The following SCAP variants were observed in gnomAD, a reference collection of about 807,000 sequenced individuals.
SCAP encodes sterol regulatory element-binding protein cleavage-activating protein.
A neutral mutation model predicts 123.6 loss-of-function variants in SCAP; 65 were observed. That is an observed-to-expected ratio of 0.53 (90% CI 0.43 to 0.65). The LOEUF is 0.65. Ranked by LOEUF, SCAP falls within the 30% of genes least tolerant of loss-of-function variation. The pLI, the probability that SCAP is intolerant of heterozygous loss-of-function variation, is 0.00. For synonymous variants in SCAP, 740 were observed against 726.3 expected (o/e 1.02, Z -0.30); for missense variants, 1,398 against 1,712.5 (o/e 0.82, Z 3.24).
chr3:47,421,503 C>A (rs1705899329), intron 10 of SCAP: 1 of 169,028 alleles, frequency 5.9e-6, no homozygotes, highest in African/African-American at 2.4e-5. Flanking sequence ...GGGATTAATT[C>A]TCTAAAACTG....
At position 47,427,656 on chromosome 3, in the gene SCAP, C is replaced by G; in HGVS notation, c.422G>C (p.Arg141Thr). 6.2e-7 allele frequency: 1 copy of G among 1,614,010 alleles called. No homozygotes were observed. Among genetic ancestry groups the G allele is most frequent in the South Asian group, 1.1e-5 (1 of 91,078 alleles). The change falls in exon 5 of 23, where the codon AGG (arginine) becomes ACG (threonine). Residue 141 changes from arginine (R) to threonine (T), a missense_variant. By Grantham distance (71) the Arg-to-Thr change is moderately conservative (BLOSUM62 -1). Transcript: ENST00000265565. The part of the protein sequence containing the change: ...NHVLRDSSGI[R>T]SLEELCLQVT... ...TTGCAGACACAACTCCTCCAAGCTC[C>G]TGATCCCAGAGCTGCACAGGAGACA... is the stretch of plus-strand genomic sequence containing the variant.
At chr3:47,414,469 G>A (rs1705469976) in intron 21 of SCAP, 83 bp from the exon 22 acceptor site, 1 of 1,598,048 alleles carries the variant, frequency 6.3e-7, no homozygotes, top group Non-Finnish European at 8.6e-7. Flanking sequence ...CAGTGGGTGG[G>A]GCCCTGACTG....
chr3:47,472,159 C>T (rs1456528948), intron 1 of SCAP, among the ~76,000 whole-genome samples: 2 of 149,524 alleles, frequency 1.3e-5, no homozygotes. Context: ...TGGGGCCGGG[C>T]GCGGTGGCTC....
Position 47,414,351 on chromosome 3 carries a change from G to A in SCAP, c.3423C>T (p.Ala1141=), listed in dbSNP as rs766784193. ...CAGTCAGTACATCCCACAGGCAGAT[G>A]GCCCCATCTTGTCCTCCACTGGCCA... The part of the protein sequence containing the change: ...MVLASGGQDG[A]ICLWDVLTGS... The change falls in exon 22 of 23, where the codon GCC becomes GCT. Residue 1141 remains alanine, a synonymous_variant. Coordinates refer to ENST00000265565, the MANE Select transcript of SCAP (RefSeq NM_012235.4). 6.2e-7 allele frequency: 1 copy of A among 1,612,876 alleles called. No homozygotes were observed. Among genetic ancestry groups the A allele is most frequent in the East Asian group, 2.2e-5 (1 of 44,894 alleles).
chr3:47,464,374 G>A (rs1559569730), intron 1 of SCAP, among the ~76,000 whole-genome samples: 1 of 151,298 alleles, frequency 6.6e-6, no homozygotes, highest in Non-Finnish European at 1.5e-5. Context: ...GGACTGATTT[G>A]TGTTTTTTTT....
At chr3:47,446,496 T>G (rs867516773) in intron 1 of SCAP, among the ~76,000 whole-genome samples, 4 of 152,128 alleles carry the variant, frequency 2.6e-5, no homozygotes, top group East Asian at 1.9e-4. Context: ...GTTTACTTTT[T>G]TTGTTGTTGT....
intron 1 of SCAP, among the ~76,000 whole-genome samples, chr3:47,456,659 G>A (rs1410665665): frequency 1.3e-5 from 2 of 151,726 alleles, no homozygotes; most frequent in Non-Finnish European, 2.9e-5. Flanking sequence ...CAGCTACTCA[G>A]GAGGCTGAGA....
At position 47,426,028 on chromosome 3, in the gene SCAP, G is replaced by A; in HGVS notation, c.879C>T (p.Ile293=). 5 of 1,614,188 alleles carry A rather than the reference G, an allele frequency of 3.1e-6. No homozygotes were observed. Among genetic ancestry groups the A allele is most frequent in the Non-Finnish European group, 4.2e-6 (5 of 1,180,034 alleles). The change falls in exon 7 of 23, where the codon ATC becomes ATT. Residue 293 remains isoleucine, a synonymous_variant. Transcript: ENST00000265565. ...AGAAGTAGATGTAGGCAAACAAGAT[G>A]ATGTAGGTGGTCACAAGGGGGATGA... The part of the protein sequence containing the change: ...AELIPLVTTY[I]ILFAYIYFST...
At chr3:47,445,070 C>G (rs989214181) in intron 1 of SCAP, among the ~76,000 whole-genome samples, 2 of 152,080 alleles carry the variant, frequency 1.3e-5, no homozygotes, top group Non-Finnish European at 2.9e-5. Context: ...CCGAGCCCAG[C>G]CACTTCATTA....
At position 47,418,504 on chromosome 3, in the gene SCAP, C is replaced by T. The variant is rs570896201; in HGVS notation, c.2148G>A (p.Leu716=). ...VTLYKVAALG[L]ATGIVLVLLL... Reference sequence around the variant, plus strand: ...GCAGCACCAAGACGATGCCGGTGGCCAGGCCCAGCGCCGCCACCCTGCACG... The same window carrying T: ...GCAGCACCAAGACGATGCCGGTGGCTAGGCCCAGCGCCGCCACCCTGCACG... The change falls in exon 15 of 23, where the codon CTG becomes CTA. Residue 716 remains leucine (L), a synonymous_variant. Coordinates refer to ENST00000265565, the MANE Select transcript of SCAP (RefSeq NM_012235.4). 7 of 1,596,644 alleles carry T rather than the reference C, an allele frequency of 4.4e-6. No homozygotes were observed. The South Asian group carries it at 7.9e-5, about 18-fold the overall frequency.
At chr3:47,435,457 A>G (rs1352137674) in intron 2 of SCAP, among the ~76,000 whole-genome samples, 1 of 139,838 alleles carries the variant, frequency 7.2e-6, no homozygotes, top group Non-Finnish European at 1.5e-5. Context: ...ATTAACATAT[A>G]TAATATAAAC....
At position 47,427,148 on chromosome 3, in the gene SCAP, C is replaced by G. The variant is rs750110358; in HGVS notation, c.737+9G>C. 1.9e-6 allele frequency: 3 copies of G among 1,601,596 alleles called. No individual in the cohort carries two copies. The South Asian group carries it at 3.3e-5, about 18-fold the overall frequency. ...ACCAGTCAAGAGCCCAGGGTACTGT[C>G]AATCTTACTTGGCATGGTAGTGCTG... On this transcript the variant is annotated intron_variant, in intron 6 of 22. Coordinates refer to ENST00000265565, the MANE Select transcript of SCAP (RefSeq NM_012235.4).
intron 1 of SCAP, among the ~76,000 whole-genome samples, chr3:47,467,715 T>C (rs879045278): frequency 4.6e-5 from 7 of 151,988 alleles, no homozygotes; most frequent in African/African-American, 1.7e-4. Flanking sequence ...AAAATACAAA[T>C]TGAAATCACA....
chr3:47,433,387 G>A (rs1706444753), intron 3 of SCAP, among the ~76,000 whole-genome samples: 1 of 152,134 alleles, frequency 6.6e-6, no homozygotes, highest in South Asian at 2.1e-4. Context: ...CAATGCTCCT[G>A]ATTCCCGAGC....
chr3:47,464,160 C>G (rs1028822563), intron 1 of SCAP, among the ~76,000 whole-genome samples: 2 of 152,068 alleles, frequency 1.3e-5, no homozygotes, highest in African/African-American at 4.8e-5. Context: ...GGATTACAGG[C>G]GCTTCCCACT....
At chr3:47,464,607 C>T (rs981716619) in intron 1 of SCAP, among the ~76,000 whole-genome samples, 3 of 152,104 alleles carry the variant, frequency 2.0e-5, no homozygotes, top group Non-Finnish European at 2.9e-5. Context: ...AGGCAATATC[C>T]TCAACATAAT....
rs1172679309 is a variant in SCAP at position 47,418,201 on chromosome 3, G to T, written c.2380C>A (p.Leu794Met). The T allele has an allele frequency of 1.3e-6, 2 of 1,575,358 alleles. No homozygotes were observed. The highest frequency in any genetic ancestry group is 1.7e-6 in the Non-Finnish European group (2 of 1,161,232). Residue 794 changes from leucine (L) to methionine (M), a missense_variant, in exon 16 of 23, where the codon CTG becomes ATG. Around this residue, in one of 7 missense-constraint regions of SCAP, gnomAD observed 828 missense variants for 882.5 expected, o/e 0.94. Coordinates refer to ENST00000265565, the MANE Select transcript of SCAP (RefSeq NM_012235.4). ...SDGMLLVSCCLAGHVCVWDAQ... is the reference protein window; with the variant it reads ...SDGMLLVSCCMAGHVCVWDAQ... ...TCCCACACGCAGACGTGGCCTGCCA[G>T]GCAGCAGCTCACCAGCAGCATGCCG...
At chr3:47,440,720 A>G (rs1706762702) in intron 2 of SCAP, among the ~76,000 whole-genome samples, 1 of 152,098 alleles carries the variant, frequency 6.6e-6, no homozygotes, top group Non-Finnish European at 1.5e-5. Flanking sequence ...AATACAAAAA[A>G]TTAGTGGTGC....
rs1279809762 is a variant in SCAP at position 47,439,388 on chromosome 3, G to A, written c.122+3484C>T. ...TGTGCCATTGCACTCCAGCCTGGGC[G>A]ACAGAGTGAGACCCCGTCTCAAAAT... On this transcript the variant is annotated intron_variant, in intron 2 of 22. Transcript: ENST00000265565. This position sits in a 1 kb window ranked among gnomAD's most constrained non-coding sequence, Gnocchi z 4.0. Among the ~76,000 whole-genome samples the A allele has an allele frequency of 3.3e-5, 5 of 152,072 alleles. No homozygotes were observed. Among genetic ancestry groups the A allele is most frequent in the Non-Finnish European group, 7.4e-5 (5 of 68,016 alleles).
Sources: allele counts gnomAD v4.1 joint callset (sites outside exome capture counted in the v4.1 genomes callset), GRCh38; gene constraint gnomAD v4.1.1; regional missense constraint gnomAD v4.1.1; non-coding constraint Gnocchi (gnomAD v3.1); transcripts MANE v1.5; gene names NCBI Gene and HGNC (gene_info 2026-07-23, HGNC 2026-07-21).